VPS26B: variants seen among roughly 807,000 people sequenced by gnomAD.
The protein encoded by VPS26B is vacuolar protein sorting-associated protein 26B.
Under a neutral mutation model 33.3 loss-of-function variants are expected in VPS26B, and 10 were observed. The ratio of observed to expected loss-of-function variants is 0.30; its 90% CI spans 0.19 to 0.51. The LOEUF (loss-of-function observed/expected upper bound fraction) is 0.51. VPS26B is among the 20% of genes least tolerant of loss of function. The pLI is 0.98. For missense variants in VPS26B, 317 were observed against 452.7 expected (o/e 0.70, Z 2.72); for synonymous variants, 190 against 176.9 (o/e 1.07, Z -0.59).
In VPS26B at chr11:134,240,070, A is replaced by G; in HGVS notation, c.460A>G (p.Thr154Ala). 24 of 1,614,194 alleles carry G rather than the reference A, an allele frequency of 1.5e-5. No individual in the cohort carries two copies. Among genetic ancestry groups the G allele is most frequent in the Non-Finnish European group, 2.0e-5 (24 of 1,179,990 alleles). ...GGACATTGTAGTTCACACACTCAGC[A>G]CATACCCAGAGCTGAACTCTTCCAT... ...EMDIVVHTLS[T>A]YPELNSSIKM... The change falls in exon 3 of 6, where the codon ACA (threonine) becomes GCA (alanine). Residue 154 changes from threonine (T) to alanine (A), a missense_variant. Physicochemically the swap from Thr to Ala is moderately conservative, Grantham distance 58. Transcript: ENST00000281187. The surrounding 1 kb of genome is among the most constrained non-coding windows in gnomAD (Gnocchi z 4.4).
rs1938861830 is a variant in VPS26B at position 134,247,666 on chromosome 11, G to A, written c.*2076G>A. On this transcript the variant is annotated 3_prime_UTR_variant, in exon 6 of 6. Coordinates refer to ENST00000281187, the MANE Select transcript of VPS26B (RefSeq NM_052875.5). ...CAACTTGTAATTAAGCAGCTGCAGT[G>A]TTTACATGTTTCTTAATGTGTCATC... The A allele has an allele frequency of 1.3e-5, 2 of 153,784 alleles. 1 individual carries two copies. Among genetic ancestry groups the A allele is most frequent in the South Asian group, 4.1e-4 (2 of 4,900 alleles). 9.5% of individuals were successfully genotyped at this position (153,784 alleles called of 1,614,324 possible).
intron 3 of VPS26B, among the ~76,000 whole-genome samples, chr11:134,241,055 TATAA>T (rs1333877452): frequency 6.6e-6 from 1 of 152,214 alleles, no homozygotes; most frequent in African/African-American, 2.4e-5. Context: ...ATTAGCCAGT[TATAA>T]ATAAATCACA....
At chr11:134,239,699 G>T (rs1369409774) in intron 2 of VPS26B, 2 of 423,066 alleles carry the variant, frequency 4.7e-6, no homozygotes, top group Non-Finnish European at 8.8e-6. Flanking sequence ...ACAAGGCAGA[G>T]AAATCACTTT....
Position 134,240,794 on chromosome 11 carries a change from C to CGTGTGTGTGTGT in VPS26B, c.545+662_545+673dup, listed in dbSNP as rs55726358. On this transcript the variant is annotated intron_variant, in intron 3 of 5. Transcript: ENST00000281187. This position sits in a 1 kb window ranked among gnomAD's most constrained non-coding sequence, Gnocchi z 4.4. ...GTGTCCGTGTGTGTGTGTGTGTGTCCGTGTGTGTGTGTGTGTGTGTGTGTG... is the reference window on the plus strand; with the variant it reads ...GTGTCCGTGTGTGTGTGTGTGTGTCCGTGTGTGTGTGTGTGTGTGTGTGTGTGTGTGTGTGTG... Among the ~76,000 whole-genome samples, 3,339 of 138,482 alleles carry CGTGTGTGTGTGT rather than the reference C, an allele frequency of 0.024. 92 individuals are homozygous for CGTGTGTGTGTGT. The highest frequency in any genetic ancestry group is 0.054 in the African/African-American group (1,971 of 36,420). The allele number at this position is 138,482 out of a possible 152,430, so 90.8% of individuals were successfully genotyped here. A position where few individuals can be genotyped will look rare whatever the true frequency, so the allele number is the denominator to read the frequency against.
In VPS26B at chr11:134,245,122, G is replaced by T; in HGVS notation, c.864+42G>T. ...TCCAGGCCCCGATGCCCTTGGGACAGAACAGGAGGCTCTCTTTCCTATGGA... is the reference window on the plus strand; with the variant it reads ...TCCAGGCCCCGATGCCCTTGGGACATAACAGGAGGCTCTCTTTCCTATGGA... On this transcript the variant is annotated intron_variant, in intron 5 of 5. Transcript: ENST00000281187. The surrounding 1 kb of genome is among the most constrained non-coding windows in gnomAD (Gnocchi z 4.7). The T allele has an allele frequency of 6.3e-7, 1 of 1,599,834 alleles. No individual in the cohort carries two copies. Among genetic ancestry groups the T allele is most frequent in the Non-Finnish European group, 8.5e-7 (1 of 1,174,446 alleles).
At position 134,240,197 on chromosome 11, in the gene VPS26B, G is replaced by A; in HGVS notation, c.545+42G>A. The A allele has an allele frequency of 6.2e-7, 1 of 1,608,318 alleles. No individual in the cohort carries two copies. Among genetic ancestry groups the A allele is most frequent in the Non-Finnish European group, 8.5e-7 (1 of 1,176,076 alleles). Reference sequence around the variant, plus strand: ...CAAGGTTGTGAAATGATTATTTAAGGAGGTTAAGATGGGACTTGATGCAGA... The same window carrying A: ...CAAGGTTGTGAAATGATTATTTAAGAAGGTTAAGATGGGACTTGATGCAGA... On this transcript the variant is annotated intron_variant, in intron 3 of 5. Transcript: ENST00000281187. The surrounding 1 kb of genome is among the most constrained non-coding windows in gnomAD (Gnocchi z 4.4).
At chr11:134,242,500 A>C (rs1030146195) in intron 3 of VPS26B, among the ~76,000 whole-genome samples, 1 of 152,256 alleles carries the variant, frequency 6.6e-6, no homozygotes, top group Non-Finnish European at 1.5e-5. Context: ...GGCTGTGCAC[A>C]TGTAGACTAT....
intron 1 of VPS26B, among the ~76,000 whole-genome samples, chr11:134,227,088 T>C (rs1432337790): frequency 6.6e-6 from 1 of 152,124 alleles, no homozygotes; most frequent in Non-Finnish European, 1.5e-5. Context: ...TGTCATGGGA[T>C]GTTTAGCAGC....
In VPS26B at chr11:134,225,046, CCTT is replaced by C; in HGVS notation, c.-73_-71del. On this transcript the variant is annotated 5_prime_UTR_variant, in exon 1 of 6. Coordinates refer to ENST00000281187, the MANE Select transcript of VPS26B (RefSeq NM_052875.5). ...CGCGCTCGCGCATCGGGCCCTCTGG[CCTT>C]CTTTACCTAGGGCAGCCCGCGCCCC... The C allele has an allele frequency of 4.2e-6, 6 of 1,414,686 alleles. No individual in the cohort carries two copies. Among genetic ancestry groups the C allele is most frequent in the Non-Finnish European group, 5.7e-6 (6 of 1,060,060 alleles). 87.6% of individuals were successfully genotyped at this position (1,414,686 alleles called of 1,614,324 possible). A position where few individuals can be genotyped will look rare whatever the true frequency, so the allele number is the denominator to read the frequency against.
rs1166634898 is a variant in VPS26B at position 134,225,359 on chromosome 11, C to T, written c.223+14C>T. On this transcript the variant is annotated intron_variant, in intron 1 of 5. Transcript: ENST00000281187. ...TCGGGCAGATCGGTGAGTCGACCCC[C>T]GGGACCCCCTCCCCCAGCGCCGACA... 2 of 1,612,480 alleles carry T rather than the reference C, an allele frequency of 1.2e-6. No homozygotes were observed. The highest frequency in any genetic ancestry group is 2.7e-5 in the African/African-American group (2 of 74,864).
chr11:134,240,806 T>TCC lies in VPS26B; in HGVS notation c.545+651_545+652insCC, dbSNP rs1938711515. Among the ~76,000 whole-genome samples, 1 of 144,550 alleles carries TCC rather than the reference T, an allele frequency of 6.9e-6. No homozygotes were observed. Among genetic ancestry groups the TCC allele is most frequent in the African/African-American group, 2.5e-5 (1 of 40,682 alleles). The allele number at this position is 144,550 out of a possible 152,430, so 94.8% of individuals were successfully genotyped here. On this transcript the variant is annotated intron_variant, in intron 3 of 5. Transcript: ENST00000281187. This position sits in a 1 kb window ranked among gnomAD's most constrained non-coding sequence, Gnocchi z 4.4. ...GTGTGTGTGTGTCCGTGTGTGTGTG[T>TCC]GTGTGTGTGTGTGTGTGTGTGTAGC...
intron 2 of VPS26B, chr11:134,239,675 CAT>C (rs1938687801): frequency 8.1e-6 from 3 of 370,154 alleles, no homozygotes; most frequent in South Asian, 5.2e-5. Context: ...CCAAGAATAA[CAT>C]GTGATTGGGG....
Position 134,238,831 on chromosome 11 carries a change from G to C in VPS26B, c.381-1160G>C, listed in dbSNP as rs372225706. Among the ~76,000 whole-genome samples the C allele has an allele frequency of 8.1e-3, 1,232 of 152,018 alleles. 2 individuals are homozygous for C. The highest frequency in any genetic ancestry group is 0.034 in the Middle Eastern group (10 of 294). On this transcript the variant is annotated intron_variant, in intron 2 of 5. Coordinates refer to ENST00000281187, the MANE Select transcript of VPS26B (RefSeq NM_052875.5). ...AGGATGGTCTCGATCTCCTGACCTC[G>C]TGATCCGCCCGCCTCTGCCTCCCAA... is the stretch of plus-strand genomic sequence containing the variant.
Position 134,245,632 on chromosome 11 carries a change from C to T in VPS26B, c.*42C>T, listed in dbSNP as rs1261875103. ...AGATGCTGGGCACCCACCCAGCACCCCCATCTACCAACACCAGCGGCTGGG... is the reference window on the plus strand; with the variant it reads ...AGATGCTGGGCACCCACCCAGCACCTCCATCTACCAACACCAGCGGCTGGG... On this transcript the variant is annotated 3_prime_UTR_variant, in exon 6 of 6. Transcript: ENST00000281187. This position sits in a 1 kb window ranked among gnomAD's most constrained non-coding sequence, Gnocchi z 4.7. 2 of 1,568,570 alleles carry T rather than the reference C, an allele frequency of 1.3e-6. No individual in the cohort carries two copies. Among genetic ancestry groups the T allele is most frequent in the Non-Finnish European group, 1.7e-6 (2 of 1,158,790 alleles).
At chr11:134,226,550 G>A (rs533902278) in intron 1 of VPS26B, among the ~76,000 whole-genome samples, 26 of 152,272 alleles carry the variant, frequency 1.7e-4, no homozygotes, top group African/African-American at 6.0e-4. Flanking sequence ...AAATGCTTGG[G>A]TACTTTTAAA....
Position 134,225,058 on chromosome 11 carries a change from A to G in VPS26B, c.-65A>G. On this transcript the variant is annotated 5_prime_UTR_variant, in exon 1 of 6. Coordinates refer to ENST00000281187, the MANE Select transcript of VPS26B (RefSeq NM_052875.5). ...TCGGGCCCTCTGGCCTTCTTTACCT[A>G]GGGCAGCCCGCGCCCCGGTGCGAGG... The G allele has an allele frequency of 6.7e-7, 1 of 1,482,434 alleles. No individual in the cohort carries two copies. 91.8% of individuals were successfully genotyped at this position (1,482,434 alleles called of 1,614,324 possible).
chr11:134,231,724 CT>C (rs1938557855), intron 1 of VPS26B, among the ~76,000 whole-genome samples: 1 of 152,242 alleles, frequency 6.6e-6, no homozygotes, highest in African/African-American at 2.4e-5. Context: ...ACCACCTCGT[CT>C]GGCTAATCTG....
chr11:134,228,861 G>T (rs1170780653), intron 1 of VPS26B, among the ~76,000 whole-genome samples: 1 of 152,146 alleles, frequency 6.6e-6, no homozygotes, highest in Non-Finnish European at 1.5e-5. Context: ...ACTTCAGTCT[G>T]TTCTGAGGTC....
intron 3 of VPS26B, among the ~76,000 whole-genome samples, chr11:134,242,770 T>C (rs978690437): frequency 1.3e-5 from 2 of 152,248 alleles, no homozygotes; most frequent in Non-Finnish European, 2.9e-5. Context: ...GTCCCTGCGC[T>C]TGTGGGACTA....
Sources: allele counts gnomAD v4.1 joint callset (sites outside exome capture counted in the v4.1 genomes callset), GRCh38; gene constraint gnomAD v4.1.1; non-coding constraint Gnocchi (gnomAD v3.1); transcripts MANE v1.5; gene names NCBI Gene and HGNC (gene_info 2026-07-23, HGNC 2026-07-21).